Variants in C3orf49 observed in about 807,000 individuals in gnomAD.
The protein encoded by C3orf49 is putative uncharacterized protein C3orf49.
A neutral mutation model predicts 13.3 loss-of-function variants in C3orf49; 27 were observed. The observed-to-expected ratio is 2.02, with a 90% CI of 1.49 to 2.79. The LOEUF (loss-of-function observed/expected upper bound fraction) is 2.79, where lower values mean the gene tolerates loss of function less well. C3orf49 is among the 30% of genes most tolerant of loss of function. The pLI, the probability that C3orf49 is intolerant of heterozygous loss-of-function variation, is 0.00. For missense variants in C3orf49, 242 were observed against 134.2 expected (o/e 1.80, Z -3.97); for synonymous variants, 87 against 47.6 (o/e 1.83, Z -3.40).
intron 5 of C3orf49, among the ~76,000 whole-genome samples, chr3:63,843,456 T>C (rs947679175): frequency 6.6e-6 from 1 of 152,128 alleles, no homozygotes; most frequent in African/African-American, 2.4e-5. Context: ...AACTACCATA[T>C]GATCCAGCAA....
the C3orf49 span, among the ~76,000 whole-genome samples, chr3:63,783,525 TACACACACACAC>T: frequency 1.0e-3 from 138 of 132,018 alleles, no homozygotes; most frequent in African/African-American, 3.7e-3. Context: ...TACTAAAAAT[TACACACACACAC>T]ACACACACAC....
chr3:63,797,952 C>T, the C3orf49 span, among the ~76,000 whole-genome samples: 24 of 152,106 alleles, frequency 1.6e-4, no homozygotes, highest in Admixed American at 1.5e-3. Flanking sequence ...CATCTTTCAC[C>T]TTTCATCTTT....
chr3:63,786,949 A>G, the C3orf49 span, among the ~76,000 whole-genome samples: 1 of 152,194 alleles, frequency 6.6e-6, no homozygotes. Flanking sequence ...GACCAGAAAA[A>G]TCCAGGGCAA....
At chr3:63,783,194 C>T in the C3orf49 span, 1 of 152,078 alleles carries the variant, frequency 6.6e-6, no homozygotes, top group Non-Finnish European at 1.5e-5. Context: ...CGTTGGTTAT[C>T]CCTTCAGAAA....
At chr3:63,836,173 T>C in intron 5 of C3orf49, 2 of 795,052 alleles carry the variant, frequency 2.5e-6, no homozygotes, top group Non-Finnish European at 3.9e-6. Context: ...TATGGGAAAA[T>C]ATAATATTGA....
At chr3:63,802,785 T>A in the C3orf49 span, among the ~76,000 whole-genome samples, 15 of 152,222 alleles carry the variant, frequency 9.9e-5, no homozygotes, top group African/African-American at 3.6e-4. Context: ...CAAGGTCATG[T>A]TTCTACTGAC....
chr3:63,826,464 T>C (rs1701465627), intron 2 of C3orf49, among the ~76,000 whole-genome samples: 1 of 151,828 alleles, frequency 6.6e-6, no homozygotes, highest in African/African-American at 2.4e-5. Context: ...GAGGGAAAAA[T>C]TTCTGGATTG....
At chr3:63,828,701 A>G (rs1701496552) in intron 3 of C3orf49, among the ~76,000 whole-genome samples, 1 of 152,218 alleles carries the variant, frequency 6.6e-6, no homozygotes, top group Admixed American at 6.5e-5. Flanking sequence ...CCTTAAAGCT[A>G]TGTTCCAAAC....
intron 6 of C3orf49, among the ~76,000 whole-genome samples, chr3:63,846,924 T>A (rs1478162169): frequency 6.6e-6 from 1 of 152,130 alleles, no homozygotes; most frequent in Non-Finnish European, 1.5e-5. Context: ...CCCCAAGTAT[T>A]TCAGCTCCAT....
intron 3 of C3orf49, among the ~76,000 whole-genome samples, chr3:63,829,446 GA>G (rs1701504958): frequency 6.6e-6 from 1 of 152,110 alleles, no homozygotes; most frequent in Non-Finnish European, 1.5e-5. Flanking sequence ...GATTTAAGTG[GA>G]AAAGGCAAAA....
chr3:63,785,708 A>G, the C3orf49 span, among the ~76,000 whole-genome samples: 1 of 152,200 alleles, frequency 6.6e-6, no homozygotes, highest in Non-Finnish European at 1.5e-5. Context: ...CTACTTCCAC[A>G]GCAGGATGCA....
the C3orf49 span, among the ~76,000 whole-genome samples, chr3:63,801,772 A>G: frequency 2.8e-5 from 4 of 144,138 alleles, no homozygotes; most frequent in African/African-American, 8.1e-5. Flanking sequence ...AGGGAAGAGC[A>G]TCTATGTAGA....
rs1701675148 is a variant in C3orf49 at position 63,838,270 on chromosome 3, ATTG to A, written c.849+6429_849+6431del. On this transcript the variant is annotated intron_variant, in intron 5 of 6. Transcript: ENST00000295896. ...CTGTATTCTTTCCATTAATACAGTA[ATTG>A]TTATTATTCTTTTACCACCAAAGAA... 4.1e-6 allele frequency: 4 copies of A among 970,060 alleles called. No homozygotes were observed. In the South Asian group the frequency reaches 5.5e-5, roughly 13 times the overall value. 60.1% of individuals were successfully genotyped at this position (970,060 alleles called of 1,614,324 possible).
chr3:63,844,532 T>C (rs1383030724), intron 5 of C3orf49, among the ~76,000 whole-genome samples: 4 of 152,206 alleles, frequency 2.6e-5, no homozygotes, highest in Non-Finnish European at 5.9e-5. Context: ...TTAATTGCCA[T>C]CGTGCCAGTA....
At chr3:63,828,765 G>A (rs1222083822) in intron 3 of C3orf49, among the ~76,000 whole-genome samples, 1 of 152,000 alleles carries the variant, frequency 6.6e-6, no homozygotes, top group African/African-American at 2.4e-5. Context: ...GCCCTATAAC[G>A]TAGGTAGCAA....
chr3:63,804,565 AT>A, the C3orf49 span, among the ~76,000 whole-genome samples: 4 of 152,224 alleles, frequency 2.6e-5, no homozygotes, highest in East Asian at 3.9e-4. Flanking sequence ...CATTCTGCAG[AT>A]TGCTTTTCAT....
chr3:63,831,638 T>G (rs746374919), intron 4 of C3orf49, 42 bp from the exon 5 acceptor site: 60 of 690,014 alleles, frequency 8.7e-5, no homozygotes, highest in Non-Finnish European at 1.4e-4. Context: ...TGACAAGGCT[T>G]TCCAACACAT....
At chr3:63,813,701 A>G in the C3orf49 span, among the ~76,000 whole-genome samples, 1 of 152,108 alleles carries the variant, frequency 6.6e-6, no homozygotes, top group African/African-American at 2.4e-5. Flanking sequence ...GGCACCCTCT[A>G]TACACTTCCC....
intron 5 of C3orf49, chr3:63,839,747 T>A (rs577187742): frequency 6.2e-7 from 1 of 1,613,326 alleles, no homozygotes; most frequent in South Asian, 1.1e-5. Context: ...TCTCCATCAA[T>A]GAGGAGACGC....
Sources: allele counts gnomAD v4.1 joint callset (sites outside exome capture counted in the v4.1 genomes callset), GRCh38; gene constraint gnomAD v4.1.1; transcripts MANE v1.5; gene names NCBI Gene and HGNC (gene_info 2026-07-23, HGNC 2026-07-21).